KLC1: variants seen among roughly 807,000 people sequenced by gnomAD.
The protein encoded by KLC1 is kinesin 2 60/70kDa.
In KLC1, 30 loss-of-function variants were observed where a neutral mutation model predicts 84.2. The ratio of observed to expected loss-of-function variants is 0.36; its 90% confidence interval spans 0.27 to 0.48. The LOEUF (loss-of-function observed/expected upper bound fraction) is 0.48. Ranked by LOEUF, KLC1 falls within the 20% of genes least tolerant of loss-of-function variation. KLC1 has a pLI of 0.99. For synonymous variants in KLC1, 289 were observed against 293.3 expected, an observed-to-expected ratio of 0.99 and a Z score of 0.15; for missense variants, 499 against 805.4, an observed-to-expected ratio of 0.62 and a Z score of 4.60.
At position 103,698,350 on chromosome 14, in the gene KLC1, G is replaced by A. The variant is rs3212117; in HGVS notation, c.1849-2305G>A. On this transcript the variant is annotated intron_variant, in intron 15 of 16. Coordinates refer to ENST00000334553, the MANE Select transcript of KLC1 (RefSeq NM_001394837.1). The stretch of plus-strand genomic sequence containing the variant: ...GTGGTGGGGGAGTAAGGACTGCCCT[G>A]TGTGCAGGAGGGGAGACCCTCGTGG... The A allele has an allele frequency of 9.0e-4, 204 of 225,418 alleles. 1 individual carries two copies. Among genetic ancestry groups the A allele is most frequent in the African/African-American group, 4.4e-3 (192 of 43,472 alleles). 14.0% of individuals were successfully genotyped at this position (225,418 alleles called of 1,614,324 possible). A position where few individuals can be genotyped will look rare whatever the true frequency, so the allele number is the denominator to read the frequency against.
At position 103,668,670 on chromosome 14, in the gene KLC1, A is replaced by G. The variant is rs577204919; in HGVS notation, c.798-841A>G. On this transcript the variant is annotated intron_variant, in intron 5 of 16. Transcript: ENST00000334553. ...TTTTTTTTGTATTTTTAGTAGAGAC[A>G]GGGTTTCACTGTGTTAGCAAGGATG... Among the ~76,000 whole-genome samples, 70 of 151,770 alleles carry G rather than the reference A, an allele frequency of 4.6e-4. 1 individual carries two copies. The South Asian group carries it at 0.013, about 28-fold the overall frequency.
intron 14 of KLC1, among the ~76,000 whole-genome samples, chr14:103,691,435 C>A (rs1393814038): frequency 1.4e-5 from 2 of 138,904 alleles, no homozygotes; most frequent in Non-Finnish European, 3.0e-5. Flanking sequence ...GCTGGGATTA[C>A]AAGCATGAGC....
chr14:103,670,342 T>C (rs569205098), intron 7 of KLC1, 59 bp downstream of exon 7: 9 of 1,138,108 alleles, frequency 7.9e-6, no homozygotes, highest in African/African-American at 1.6e-5. Flanking sequence ...GTGTGTGGTT[T>C]TTTTTTTTTT....
chr14:103,699,117 A>G, intron 15 of KLC1: 1 of 1,571,898 alleles, frequency 6.4e-7, no homozygotes, highest in Non-Finnish European at 8.6e-7. Context: ...TGCACACACC[A>G]CATGGCTGCA....
rs776817050 is a variant in KLC1, at chr14:103,675,763, C to T, written c.1379+7C>T. On this transcript the variant is annotated splice_region_variant and intron_variant, in intron 11 of 16. Coordinates refer to ENST00000334553, the MANE Select transcript of KLC1 (RefSeq NM_001394837.1). ...AAGCCTGCAAAGTTGATAGGTATGTCTGGAATTGCGTTTGGCTGGAAAAAC... is the reference window on the plus strand; with the variant it reads ...AAGCCTGCAAAGTTGATAGGTATGTTTGGAATTGCGTTTGGCTGGAAAAAC... 1.6e-5 allele frequency: 26 copies of T among 1,612,774 alleles called. No homozygotes were observed. Among genetic ancestry groups the T allele is most frequent in the South Asian group, 3.3e-5 (3 of 90,944 alleles).
At position 103,677,523 on chromosome 14, in the gene KLC1, G is replaced by A. The variant is rs1465419370; in HGVS notation, c.1488G>A (p.Gln496=). 6.2e-7 allele frequency: 1 copy of A among 1,602,598 alleles called. No homozygotes were observed. Among genetic ancestry groups the A allele is most frequent in the Non-Finnish European group, 8.5e-7 (1 of 1,169,734 alleles). The change falls in exon 12 of 17, where the codon CAG becomes CAA. Residue 496 remains glutamine, a splice_region_variant and synonymous_variant. Coordinates refer to ENST00000334553, the MANE Select transcript of KLC1 (RefSeq NM_001394837.1). ...LEEAAMRSRK[Q]GLDNVHKQRV... ...AAGCTGCTATGAGGTCTCGTAAACA[G>A]GTTAGTCATACTTCTGTCCTTAACC... is the stretch of plus-strand genomic sequence containing the variant.
chr14:103,669,014 G>T (rs565345400), intron 5 of KLC1, among the ~76,000 whole-genome samples: 1 of 151,586 alleles, frequency 6.6e-6, no homozygotes, highest in Non-Finnish European at 1.5e-5. Context: ...TCCTGACCTC[G>T]TGATCTGCCC....
chr14:103,640,617 C>T (rs764584029), intron 1 of KLC1, among the ~76,000 whole-genome samples: 4 of 152,184 alleles, frequency 2.6e-5, no homozygotes, highest in Non-Finnish European at 5.9e-5. Context: ...GCCTCGGCCT[C>T]CCAAAGTGCT....
chr14:103,701,002 T>C (rs577875364), intron 16 of KLC1, among the ~76,000 whole-genome samples, 199 bp from the exon 17 acceptor site: 38 of 152,308 alleles, frequency 2.5e-4, no homozygotes, highest in Admixed American at 2.3e-3. Context: ...CGCAGGCCTT[T>C]GGTGCTCCAG....
At position 103,657,484 on chromosome 14, in the gene KLC1, G is replaced by T. The variant is rs1267269182; in HGVS notation, c.262-62G>T. 4 of 1,343,984 alleles carry T rather than the reference G, an allele frequency of 3.0e-6. No individual in the cohort carries two copies. The East Asian group carries it at 9.3e-5, about 31-fold the overall frequency. The allele number at this position is 1,343,984 out of a possible 1,614,324, so 83.3% of individuals were successfully genotyped here. On this transcript the variant is annotated intron_variant, in intron 2 of 16. Transcript: ENST00000334553. ...AGCCCCAGCCACAGAATGTTCGCAC[G>T]GGTGGGAGGGACTCTTGCTGGACAA... is the stretch of plus-strand genomic sequence containing the variant.
intron 11 of KLC1, among the ~76,000 whole-genome samples, chr14:103,675,991 CT>C (rs960448212): frequency 6.6e-6 from 1 of 152,210 alleles, no homozygotes; most frequent in Non-Finnish European, 1.5e-5. Flanking sequence ...TTTGCCATTA[CT>C]TTTACTTTTA....
intron 14 of KLC1, among the ~76,000 whole-genome samples, chr14:103,688,678 A>G (rs1165911174): frequency 6.6e-6 from 1 of 152,058 alleles, no homozygotes; most frequent in African/African-American, 2.4e-5. Flanking sequence ...GCTGTGAGAG[A>G]GGTGCAGGCC....
At chr14:103,688,501 A>T (rs4906360) in intron 14 of KLC1, among the ~76,000 whole-genome samples, 3 of 152,100 alleles carry the variant, frequency 2.0e-5, no homozygotes, top group Non-Finnish European at 2.9e-5. Flanking sequence ...CCACTTTTTC[A>T]TCTCTCTCAG....
At chr14:103,698,720 C>T (rs967672536) in intron 15 of KLC1, 6 of 1,351,022 alleles carry the variant, frequency 4.4e-6, no homozygotes, top group Non-Finnish European at 6.2e-6. Context: ...TGCCACGGCC[C>T]AGGCAGACGC....
intron 14 of KLC1, among the ~76,000 whole-genome samples, chr14:103,691,716 G>A (rs1009606228): frequency 3.9e-5 from 6 of 151,938 alleles, no homozygotes; most frequent in Admixed American, 2.6e-4. Context: ...CAGTCTGCCC[G>A]CCTCAGCCTC....
chr14:103,646,600 T>G (rs2077951446), intron 1 of KLC1, among the ~76,000 whole-genome samples: 2 of 152,332 alleles, frequency 1.3e-5, no homozygotes, highest in Middle Eastern at 3.4e-3. Context: ...AGCCGTGAAC[T>G]GCAGACATGC....
chr14:103,696,091 C>CGGGGGGGGGGGGGGGGGGGG (rs2082460992), intron 15 of KLC1: 5 of 744,670 alleles, frequency 6.7e-6, no homozygotes, highest in Non-Finnish European at 7.5e-6. Context: ...ATAATCACTG[C>CGGGGGGGGGGGGGGGGGGGG]GCCCCCGCCC....
chr14:103,672,980 C>G (rs1012788737), intron 7 of KLC1, 34 bp from the exon 8 acceptor site: 1 of 1,596,340 alleles, frequency 6.3e-7, no homozygotes, highest in Admixed American at 1.7e-5. Flanking sequence ...GGAAGCAGAA[C>G]AAGTGTCTCT....
chr14:103,687,109 G>C lies in KLC1; in HGVS notation c.1679G>C (p.Gly560Ala), dbSNP rs2081824790. ...GGCACTGGATCTTTAAAACGCAGTGGTTCCTTTAGCAAACTCCGGGCTTCC... is the reference window on the plus strand; with the variant it reads ...GGCACTGGATCTTTAAAACGCAGTGCTTCCTTTAGCAAACTCCGGGCTTCC... Reference protein sequence around the residue: ...GDGTGSLKRSGSFSKLRASIR... With the variant: ...GDGTGSLKRSASFSKLRASIR... Residue 560 changes from glycine to alanine, a missense_variant, in exon 14 of 17, where the codon GGT (glycine) becomes GCT (alanine). Gly to Ala is a moderately conservative substitution (Grantham distance 60). Coordinates refer to ENST00000334553, the MANE Select transcript of KLC1 (RefSeq NM_001394837.1). 3.9e-6 allele frequency: 6 copies of C among 1,545,056 alleles called. No homozygotes were observed. The highest frequency in any genetic ancestry group is 5.3e-6 in the Non-Finnish European group (6 of 1,141,932).
Sources: gnomAD v4.1 joint callset for allele counts (sites outside exome capture counted in the v4.1 genomes callset) on GRCh38, gnomAD v4.1.1 for gene constraint, MANE v1.5 for transcripts, NCBI Gene and HGNC (gene_info 2026-07-23, HGNC 2026-07-21) for gene names.